The following ANXA8 variants were observed in gnomAD, a reference collection of about 807,000 sequenced individuals.
ANXA8 encodes the protein annexin A8.
A neutral mutation model predicts 26.8 loss-of-function variants in ANXA8; 9 were observed. The ratio of observed to expected loss-of-function variants is 0.34; its 90% CI spans 0.20 to 0.59. ANXA8 has a LOEUF of 0.59. Among genes scored for constraint, ANXA8 ranks in the 20% least tolerant of loss-of-function variants. ANXA8 has a pLI of 0.84. For missense variants in ANXA8, 83 were observed against 238.5 expected, an observed-to-expected ratio of 0.35 and a Z score of 4.29; for synonymous variants, 39 against 94.8, an observed-to-expected ratio of 0.41 and a Z score of 3.42.
chr10:47,940,643 C>T, the ANXA8 span, among the ~76,000 whole-genome samples: 2 of 147,934 alleles, frequency 1.4e-5, no homozygotes, highest in African/African-American at 2.6e-5. Context: ...GCCTGGCCAA[C>T]ATGGTGAAAC....
chr10:47,657,531 G>GTT, the ANXA8 span, among the ~76,000 whole-genome samples: 15 of 151,744 alleles, frequency 9.9e-5, no homozygotes, highest in African/African-American at 3.4e-4. Flanking sequence ...CTTGAAACTT[G>GTT]TTTCTTCCTC....
At chr10:47,761,994 TC>T in the ANXA8 span, among the ~76,000 whole-genome samples, 2 of 135,346 alleles carry the variant, frequency 1.5e-5, no homozygotes, top group Non-Finnish European at 3.2e-5. Context: ...AACCTCCATA[TC>T]CCCTGGGCTC....
intron 1 of ANXA8, among the ~76,000 whole-genome samples, chr10:47,483,213 G>A (rs1230161789): frequency 6.6e-6 from 1 of 150,536 alleles, no homozygotes; most frequent in African/African-American, 2.5e-5. Flanking sequence ...AGGTCCTCCT[G>A]CTTCCCCTCT....
chr10:47,507,880 A>G, the ANXA8 span, among the ~76,000 whole-genome samples: 1 of 99,464 alleles, frequency 1.0e-5, no homozygotes, highest in African/African-American at 3.9e-5. Context: ...CTTTCGTCCC[A>G]TGCGATTTAT....
At chr10:47,653,298 C>T in the ANXA8 span, among the ~76,000 whole-genome samples, 1 of 149,456 alleles carries the variant, frequency 6.7e-6, no homozygotes, top group Non-Finnish European at 1.5e-5. Flanking sequence ...GGCGACAGAG[C>T]AAGACTCAGT....
At chr10:47,575,509 C>T in the ANXA8 span, among the ~76,000 whole-genome samples, 1 of 125,338 alleles carries the variant, frequency 8.0e-6, no homozygotes, top group African/African-American at 3.0e-5. Context: ...CTCAGCCTCC[C>T]ACGTAACTGG....
At chr10:47,693,636 G>A in the ANXA8 span, among the ~76,000 whole-genome samples, 3 of 151,742 alleles carry the variant, frequency 2.0e-5, no homozygotes, top group Non-Finnish European at 4.4e-5. Flanking sequence ...GTAATGAACA[G>A]GCTTAGCATA....
chr10:47,921,871 T>C, the ANXA8 span: 1 of 416,828 alleles, frequency 2.4e-6, no homozygotes, highest in Non-Finnish European at 4.3e-6. Context: ...GCCCTGCTCC[T>C]CTCTGGATTC....
At chr10:47,673,527 G>A in the ANXA8 span, among the ~76,000 whole-genome samples, 1 of 148,528 alleles carries the variant, frequency 6.7e-6, no homozygotes, top group Non-Finnish European at 1.5e-5. Context: ...CCTGGCTGGG[G>A]AGGAGGAGCA....
the ANXA8 span, among the ~76,000 whole-genome samples, chr10:47,733,175 T>TTCTTTCTTTCTTTCTCTCTCTCTC: frequency 1.1e-5 from 1 of 93,270 alleles, no homozygotes; most frequent in African/African-American, 3.2e-5. Context: ...CTTTCTTTCT[T>TTCTTTCTTTCTTTCTCTCTCTCTC]TCTTTCTTTC....
the ANXA8 span, among the ~76,000 whole-genome samples, chr10:47,952,160 T>C: frequency 2.6e-5 from 4 of 151,262 alleles, no homozygotes; most frequent in Non-Finnish European, 5.9e-5. Flanking sequence ...AACCTACAGG[T>C]ATTATCAAAT....
At chr10:47,522,466 C>T in the ANXA8 span, among the ~76,000 whole-genome samples, 2 of 150,770 alleles carry the variant, frequency 1.3e-5, no homozygotes, top group Non-Finnish European at 2.9e-5. Context: ...ATACCTTTCA[C>T]AATTATTTTA....
At chr10:47,969,787 C>A in the ANXA8 span, among the ~76,000 whole-genome samples, 9 of 151,020 alleles carry the variant, frequency 6.0e-5, no homozygotes, top group South Asian at 1.7e-3. Flanking sequence ...GTGACGGTAA[C>A]TCACTGCAGG....
the ANXA8 span, among the ~76,000 whole-genome samples, chr10:47,695,780 G>A: frequency 1.3e-5 from 2 of 151,620 alleles, no homozygotes; most frequent in South Asian, 4.2e-4. Flanking sequence ...CACACGTTTT[G>A]CTCTACCTAC....
chr10:47,497,414 G>A, the ANXA8 span, among the ~76,000 whole-genome samples: 1 of 141,118 alleles, frequency 7.1e-6, no homozygotes, highest in African/African-American at 2.7e-5. Context: ...TCAGGAGTTG[G>A]AGACCAGCCT....
chr10:47,600,038 G>A, the ANXA8 span, among the ~76,000 whole-genome samples: 3 of 149,528 alleles, frequency 2.0e-5, no homozygotes, highest in Non-Finnish European at 4.4e-5. Flanking sequence ...AAATGTCAAG[G>A]CAGAGAAATA....
At chr10:47,552,601 C>T in the ANXA8 span, among the ~76,000 whole-genome samples, 1 of 151,972 alleles carries the variant, frequency 6.6e-6, no homozygotes, top group African/African-American at 2.4e-5. Context: ...TTAGATGATG[C>T]CTGGAGACCC....
the ANXA8 span, among the ~76,000 whole-genome samples, chr10:47,719,197 T>TCGC: frequency 2.2e-5 from 3 of 139,184 alleles, 1 homozygote; most frequent in East Asian, 1.0e-3. Context: ...TCTCGCTCTT[T>TCGC]CGCCCAGGCC....
the ANXA8 span, among the ~76,000 whole-genome samples, chr10:47,740,369 AT>A: frequency 6.9e-6 from 1 of 145,460 alleles, no homozygotes; most frequent in Non-Finnish European, 1.5e-5. Context: ...AAAAAATTGC[AT>A]GAAAACGTAT....
Sources: allele counts gnomAD v4.1 joint callset (sites outside exome capture counted in the v4.1 genomes callset), GRCh38; gene constraint gnomAD v4.1.1; transcripts MANE v1.5; gene names NCBI Gene and HGNC (gene_info 2026-07-23, HGNC 2026-07-21).